The following LRRC7 variants were observed in gnomAD, a reference collection of about 807,000 sequenced individuals.
The protein encoded by LRRC7 is leucine-rich repeat-containing protein 7.
A neutral mutation model predicts 175.7 loss-of-function variants in LRRC7; 23 were observed. That is an observed-to-expected ratio of 0.13 (90% confidence interval 0.09 to 0.19). LRRC7 has a LOEUF of 0.19. LRRC7 is among the 10% of genes least tolerant of loss of function. The pLI is 1.00. For missense variants in LRRC7, 1,354 were observed against 1,904.7 expected, an observed-to-expected ratio of 0.71 and a Z score of 5.38; for synonymous variants, 685 against 680.9, an observed-to-expected ratio of 1.01 and a Z score of -0.09.
At chr1:69,911,497 C>G (rs1646529399) in intron 7 of LRRC7, among the ~76,000 whole-genome samples, 1 of 152,156 alleles carries the variant, frequency 6.6e-6, no homozygotes, top group Admixed American at 6.5e-5. Flanking sequence ...GCCATTCTGA[C>G]TGGTGTGAGA....
At position 70,122,994 on chromosome 1, in the gene LRRC7, T is replaced by C. The variant is rs954580832; in HGVS notation, c.*1107T>C. 3 of 152,550 alleles carry C rather than the reference T, an allele frequency of 2.0e-5. No individual in the cohort carries two copies. The highest frequency in any genetic ancestry group is 7.2e-5 in the African/African-American group (3 of 41,462). The allele number at this position is 152,550 out of a possible 1,614,324, so 9.4% of individuals were successfully genotyped here. A position where few individuals can be genotyped will look rare whatever the true frequency, so the allele number is the denominator to read the frequency against. On this transcript the variant is annotated 3_prime_UTR_variant, in exon 27 of 27. Transcript: ENST00000651989. ...TCAGAGCTGTGGTCTACCTGTATCA[T>C]TAATTTCAATGGCTGTTTTTCTGGG...
Position 70,007,488 on chromosome 1 carries a change from A to G in LRRC7, c.1005-4309A>G, listed in dbSNP as rs116774166. Among the ~76,000 whole-genome samples, 1,230 of 152,322 alleles carry G rather than the reference A, an allele frequency of 8.1e-3. 8 individuals are homozygous for G. The highest frequency in any genetic ancestry group is 0.036 in the South Asian group (176 of 4,826). On this transcript the variant is annotated intron_variant, in intron 11 of 26. Transcript: ENST00000651989. ...TACTGTTAATGTAGGTTACAAATGCATAGGAAAAATGAAAAAAATAGTAAA... is the reference window on the plus strand; with the variant it reads ...TACTGTTAATGTAGGTTACAAATGCGTAGGAAAAATGAAAAAAATAGTAAA...
At chr1:69,954,817 C>G (rs991642406) in intron 8 of LRRC7, among the ~76,000 whole-genome samples, 1 of 152,034 alleles carries the variant, frequency 6.6e-6, no homozygotes, top group African/African-American at 2.4e-5. Context: ...ACATTGTCAG[C>G]ACCAACCTAT....
At position 70,123,766 on chromosome 1, in the gene LRRC7, T is replaced by G. The variant is rs1280022658; in HGVS notation, c.*1879T>G. Among the ~76,000 whole-genome samples, 1 of 152,200 alleles carries G rather than the reference T, an allele frequency of 6.6e-6. No homozygotes were observed. Among genetic ancestry groups the G allele is most frequent in the Non-Finnish European group, 1.5e-5 (1 of 68,030 alleles). ...GTTGAAAACTCATGTCAAGCCACCA[T>G]ATCCAGATATTATAGGATGATCATC... On this transcript the variant is annotated 3_prime_UTR_variant, in exon 27 of 27. Transcript: ENST00000651989.
chr1:69,995,134 C>G (rs1461227266), intron 11 of LRRC7, among the ~76,000 whole-genome samples: 3 of 152,148 alleles, frequency 2.0e-5, no homozygotes, highest in East Asian at 3.9e-4. Context: ...TTTAAAACTT[C>G]AAGATGAAAG....
intron 1 of LRRC7, among the ~76,000 whole-genome samples, chr1:69,640,563 T>G (rs956933017): frequency 6.6e-6 from 1 of 150,994 alleles, no homozygotes; most frequent in African/African-American, 2.4e-5. Flanking sequence ...ATATTTTAAT[T>G]TATTATGTTA....
chr1:69,781,543 T>G (rs1177197176), intron 3 of LRRC7, among the ~76,000 whole-genome samples: 1 of 150,380 alleles, frequency 6.6e-6, no homozygotes, highest in African/African-American at 2.5e-5. Context: ...ATTAGCCAGG[T>G]GTGGTGTGCA....
intron 1 of LRRC7, among the ~76,000 whole-genome samples, chr1:69,663,700 A>ATTTGTTTTTTTTTT (rs1657828740): frequency 1.5e-5 from 1 of 67,726 alleles, no homozygotes; most frequent in Non-Finnish European, 2.5e-5. Context: ...AATCGTTTTA[A>ATTTGTTTTTTTTTT]TTTTTTTTTT....
chr1:69,836,021 A>G (rs1681060095), intron 6 of LRRC7, among the ~76,000 whole-genome samples: 1 of 151,990 alleles, frequency 6.6e-6, no homozygotes, highest in Non-Finnish European at 1.5e-5. Flanking sequence ...CTCAATAACT[A>G]GGACATTTTT....
chr1:69,936,995 T>C (rs945394486), intron 8 of LRRC7, among the ~76,000 whole-genome samples: 1 of 152,156 alleles, frequency 6.6e-6, no homozygotes, highest in African/African-American at 2.4e-5. Context: ...ATTGATGCTA[T>C]GTCCTGGCTA....
chr1:69,742,611 A>G (rs1401029342), intron 2 of LRRC7, among the ~76,000 whole-genome samples: 1 of 151,938 alleles, frequency 6.6e-6, no homozygotes, highest in Non-Finnish European at 1.5e-5. Context: ...ACTTTGGGAT[A>G]TGAGACATTT....
chr1:70,050,937 TC>T (rs1003493926), intron 22 of LRRC7, among the ~76,000 whole-genome samples: 7 of 152,038 alleles, frequency 4.6e-5, no homozygotes, highest in African/African-American at 1.4e-4. Context: ...TTCAGGAATT[TC>T]CTTTAATTTT....
In LRRC7 at chr1:70,028,233, A is replaced by C; in HGVS notation, c.1857A>C (p.Lys619Asn). The change falls in exon 18 of 27, where the codon AAA becomes AAC. Residue 619 changes from lysine (K) to asparagine (N), a missense_variant. Physicochemically the swap from Lys to Asn is moderately conservative, Grantham distance 94 (BLOSUM62 0). Around this residue, in one of 4 missense-constraint regions of LRRC7, gnomAD observed 1,032 missense variants for 1,227.2 expected, o/e 0.84. Transcript: ENST00000651989. The stretch of plus-strand genomic sequence containing the variant: ...CAGAGGATTTAAAGAATATGGTAAA[A>C]TCTGTTCAAAATTTGGTGGGTAAGC... ...PYPEDLKNMV[K>N]SVQNLVGKPS... 1 of 1,613,820 alleles carries C rather than the reference A, an allele frequency of 6.2e-7. No individual in the cohort carries two copies. The highest frequency in any genetic ancestry group is 8.5e-7 in the Non-Finnish European group (1 of 1,179,778).
intron 3 of LRRC7, among the ~76,000 whole-genome samples, chr1:69,789,371 G>A (rs199686695): frequency 0.05 from 2 of 40 alleles, no homozygotes; most frequent in Non-Finnish European, 0.12. Context: ...AGTTTACCAT[G>A]TGACCACTAA....
At chr1:69,683,125 C>T (rs1050632080) in intron 2 of LRRC7, among the ~76,000 whole-genome samples, 4 of 152,138 alleles carry the variant, frequency 2.6e-5, no homozygotes, top group Non-Finnish European at 4.4e-5. Flanking sequence ...TGAGCTTCCT[C>T]CAGTGTTTTC....
intron 7 of LRRC7, among the ~76,000 whole-genome samples, chr1:69,855,720 G>A (rs1244090856): frequency 1.3e-5 from 2 of 152,076 alleles, no homozygotes; most frequent in African/African-American, 2.4e-5. Context: ...AATGTTGACA[G>A]TGGGGTGTTA....
In LRRC7 at chr1:69,608,887, TATATATATATATACAC is replaced by T. The variant is rs1372783942; in HGVS notation, c.2+40248_2+40263del. On this transcript the variant is annotated intron_variant, in intron 1 of 26. Transcript: ENST00000651989. ...CTCTCTATATATATATATATATATA[TATATATATATATACAC>T]ACACACACACATATATATAAAATTA... is the stretch of plus-strand genomic sequence containing the variant. 5.0e-4 allele frequency among the ~76,000 whole-genome samples: 69 copies of T among 137,976 alleles called. 1 individual carries two copies. The highest frequency in any genetic ancestry group is 1.7e-3 in the African/African-American group (62 of 36,626). The allele number at this position is 137,976 out of a possible 152,430, so 90.5% of individuals were successfully genotyped here.
chr1:70,110,393 A>G (rs1483769163), intron 26 of LRRC7, among the ~76,000 whole-genome samples: 1 of 152,154 alleles, frequency 6.6e-6, no homozygotes. Flanking sequence ...AAAATAAAAA[A>G]TAAAAATAAA....
At chr1:69,678,350 A>T in intron 1 of LRRC7, 31 bp from the exon 2 acceptor site, 1 of 1,439,848 alleles carries the variant, frequency 6.9e-7, no homozygotes, top group Admixed American at 2.0e-5. Context: ...AAAAAAGAGT[A>T]TGAAAATACT....
Sources: allele counts gnomAD v4.1 joint callset (sites outside exome capture counted in the v4.1 genomes callset), GRCh38; gene constraint gnomAD v4.1.1; regional missense constraint gnomAD v4.1.1; transcripts MANE v1.5; gene names NCBI Gene and HGNC (gene_info 2026-07-23, HGNC 2026-07-21).